The following ZFHX3 variants were observed in gnomAD, a reference collection of about 807,000 sequenced individuals.
ZFHX3 encodes the protein zinc finger homeobox 3.
Under a neutral mutation model 279.1 loss-of-function variants are expected in ZFHX3, and 42 were observed. The observed-to-expected ratio is 0.15, with a 90% CI of 0.12 to 0.19. The LOEUF is 0.19. ZFHX3 is among the 10% of genes least tolerant of loss of function. The pLI is 1.00. For missense variants in ZFHX3, 4,981 were observed against 4,754.0 expected, an observed-to-expected ratio of 1.05 and a Z score of -1.40; for synonymous variants, 2,293 against 1,957.8, an observed-to-expected ratio of 1.17 and a Z score of -4.52.
chr16:73,442,282 T>C (rs1008545221), intron 3 of ZFHX3, among the ~76,000 whole-genome samples: 3 of 152,264 alleles, frequency 2.0e-5, no homozygotes, highest in South Asian at 2.1e-4. Context: ...GAGGCCTCTC[T>C]CCTTCTTATA....
chr16:73,573,075 T>C (rs2143809488), intron 2 of ZFHX3, among the ~76,000 whole-genome samples: 1 of 152,334 alleles, frequency 6.6e-6, no homozygotes, highest in Non-Finnish European at 1.5e-5. Context: ...TTATTGTATA[T>C]TCATACAACA....
At position 72,959,852 on chromosome 16, in the gene ZFHX3, G is replaced by C. The variant is rs1419312592; in HGVS notation, c.294C>G (p.His98Gln). Residue 98 changes from histidine (H) to glutamine (Q), a missense_variant, in exon 2 of 10, where the codon CAC becomes CAG. Transcript: ENST00000268489. ...FASLQTYMEH[H>Q]CPSARPPPPL... ...GTGGCGGGGGGCGCGCGCTGGGGCA[G>C]TGGTGCTCCATGTAGGTCTGGAGGC... is the stretch of plus-strand genomic sequence containing the variant. 6.2e-7 allele frequency: 1 copy of C among 1,600,378 alleles called. No homozygotes were observed. The highest frequency in any genetic ancestry group is 1.7e-5 in the Admixed American group (1 of 59,148).
At chr16:73,464,408 A>G (rs2018526394) in intron 2 of ZFHX3, among the ~76,000 whole-genome samples, 1 of 151,810 alleles carries the variant, frequency 6.6e-6, no homozygotes, top group Non-Finnish European at 1.5e-5. Context: ...ATTCCTGATC[A>G]GCTTCTCCAA....
intron 2 of ZFHX3, among the ~76,000 whole-genome samples, chr16:73,535,918 T>A (rs1022820852): frequency 6.6e-6 from 1 of 151,978 alleles, no homozygotes; most frequent in Non-Finnish European, 1.5e-5. Context: ...GAGACGGGGT[T>A]TCACCATGTT....
chr16:73,830,728 A>G (rs1238426317), intron 1 of ZFHX3, among the ~76,000 whole-genome samples: 1 of 152,264 alleles, frequency 6.6e-6, no homozygotes, highest in Non-Finnish European at 1.5e-5. Context: ...CCAGCAGTAT[A>G]TGAAAAATAA....
intron 4 of ZFHX3, among the ~76,000 whole-genome samples, chr16:72,849,037 G>A (rs1311390914): frequency 4.6e-5 from 7 of 152,004 alleles, no homozygotes; most frequent in African/African-American, 1.2e-4. Flanking sequence ...TCTTTCTTTC[G>A]TCTAGCAAAA....
At chr16:73,021,687 C>A (rs964658186) in intron 1 of ZFHX3, among the ~76,000 whole-genome samples, 3 of 151,790 alleles carry the variant, frequency 2.0e-5, no homozygotes, top group Admixed American at 6.6e-5. Context: ...AAAAATTAGC[C>A]AGGTGTGGTG....
intron 1 of ZFHX3, among the ~76,000 whole-genome samples, chr16:73,054,489 T>C (rs1457829152): frequency 1.3e-5 from 2 of 151,136 alleles, no homozygotes; most frequent in Non-Finnish European, 2.9e-5. Flanking sequence ...CACTTTTCAT[T>C]ATTATTGTTA....
intron 1 of ZFHX3, among the ~76,000 whole-genome samples, chr16:73,818,422 G>A (rs1597129807): frequency 6.6e-6 from 1 of 152,258 alleles, no homozygotes; most frequent in East Asian, 1.9e-4. Flanking sequence ...TTCACGCTAA[G>A]CAATTTGATG....
At chr16:73,184,927 G>C (rs1368943256) in intron 5 of ZFHX3, among the ~76,000 whole-genome samples, 7 of 152,106 alleles carry the variant, frequency 4.6e-5, no homozygotes, top group Admixed American at 2.6e-4. Context: ...TGGTGAGATC[G>C]GCAGGGCCGG....
At chr16:73,185,007 C>A (rs912908427) in intron 5 of ZFHX3, among the ~76,000 whole-genome samples, 1 of 149,054 alleles carries the variant, frequency 6.7e-6, no homozygotes, top group Non-Finnish European at 1.5e-5. Flanking sequence ...TCTGAGACAG[C>A]GTCTCAGTCA....
chr16:73,419,608 T>C (rs1440265385), intron 3 of ZFHX3, among the ~76,000 whole-genome samples: 2 of 152,074 alleles, frequency 1.3e-5, no homozygotes, highest in East Asian at 1.9e-4. Flanking sequence ...ATTTACTATA[T>C]GCCATATGAT....
chr16:73,473,041 T>C (rs1208820389), intron 2 of ZFHX3, among the ~76,000 whole-genome samples: 1 of 150,900 alleles, frequency 6.6e-6, no homozygotes, highest in Non-Finnish European at 1.5e-5. Context: ...TGGATGAAGA[T>C]GTATCAGGTA....
chr16:72,943,522 A>T (rs1228935443), intron 3 of ZFHX3, among the ~76,000 whole-genome samples: 1 of 152,208 alleles, frequency 6.6e-6, no homozygotes, highest in Non-Finnish European at 1.5e-5. Context: ...ACAGAGTGAG[A>T]CCCAGTCTCA....
intron 3 of ZFHX3, among the ~76,000 whole-genome samples, chr16:73,334,380 G>A (rs1259738609): frequency 6.6e-6 from 1 of 152,182 alleles, no homozygotes. Context: ...AAGGCAGTGA[G>A]AGCTGAAAAC....
chr16:73,166,122 A>G (rs1838467788), intron 5 of ZFHX3, among the ~76,000 whole-genome samples: 1 of 152,192 alleles, frequency 6.6e-6, no homozygotes, highest in Non-Finnish European at 1.5e-5. Flanking sequence ...CATTGGACCT[A>G]AGTAAATTAT....
intron 8 of ZFHX3, among the ~76,000 whole-genome samples, chr16:73,084,681 C>T (rs371471036): frequency 1.2e-4 from 18 of 152,064 alleles, no homozygotes; most frequent in Non-Finnish European, 2.1e-4. Context: ...CCATGCCCGG[C>T]TAATTTTGTT....
intron 7 of ZFHX3, among the ~76,000 whole-genome samples, chr16:73,129,587 G>A (rs1201139480): frequency 6.6e-6 from 1 of 151,880 alleles, no homozygotes; most frequent in African/African-American, 2.4e-5. Context: ...ATATATCAAC[G>A]TATTGAGGTG....
intron 1 of ZFHX3, among the ~76,000 whole-genome samples, chr16:73,780,874 G>A (rs976422558): frequency 6.6e-5 from 10 of 152,206 alleles, no homozygotes; most frequent in Admixed American, 5.2e-4. Context: ...ACTGCCAAGT[G>A]CTATTACTAT....
Sources: gnomAD v4.1 joint callset for allele counts (sites outside exome capture counted in the v4.1 genomes callset) on GRCh38, gnomAD v4.1.1 for gene constraint, MANE v1.5 for transcripts, NCBI Gene and HGNC (gene_info 2026-07-23, HGNC 2026-07-21) for gene names.